The following CTNND2 variants were observed in gnomAD, a reference collection of about 807,000 sequenced individuals.
CTNND2 encodes the protein catenin delta-2.
In CTNND2, 22 loss-of-function variants were observed where a neutral mutation model predicts 144.4. That is an observed-to-expected ratio of 0.15 (90% CI 0.11 to 0.22). The LOEUF (loss-of-function observed/expected upper bound fraction) is 0.22. Ranked by LOEUF, CTNND2 falls within the 10% of genes least tolerant of loss-of-function variation. The probability of loss-of-function intolerance (pLI) is 1.00; values close to 1 mark genes in which losing one functional copy is unlikely to be tolerated. For missense variants in CTNND2, 1,353 were observed against 1,618.8 expected (o/e 0.84, Z 2.82); for synonymous variants, 751 against 695.6 (o/e 1.08, Z -1.25).
intron 3 of CTNND2, among the ~76,000 whole-genome samples, chr5:11,466,701 A>G (rs1766709053): frequency 1.3e-5 from 2 of 152,238 alleles, no homozygotes; most frequent in Non-Finnish European, 2.9e-5. Context: ...CTCATGAGAT[A>G]TTGACAAGAT....
intron 9 of CTNND2, among the ~76,000 whole-genome samples, chr5:11,323,769 T>C (rs1007412305): frequency 6.6e-6 from 1 of 152,054 alleles, no homozygotes; most frequent in Non-Finnish European, 1.5e-5. Context: ...ATCTACTAGG[T>C]GTAAATATGA....
chr5:11,342,664 G>C (rs1754392312), intron 9 of CTNND2, among the ~76,000 whole-genome samples: 1 of 152,114 alleles, frequency 6.6e-6, no homozygotes. Context: ...TCTTAACCAT[G>C]ACTTTTATTA....
intron 3 of CTNND2, among the ~76,000 whole-genome samples, chr5:11,504,794 C>T (rs541130421): frequency 1.3e-5 from 2 of 152,310 alleles, no homozygotes; most frequent in South Asian, 2.1e-4. Context: ...CAACACCTCT[C>T]TGTTATTCCT....
At chr5:11,603,306 T>C (rs114377782) in intron 2 of CTNND2, among the ~76,000 whole-genome samples, 1,755 of 152,308 alleles carry the variant, frequency 0.012, 28 homozygotes, top group African/African-American at 0.041. Context: ...GTTTCCAAAA[T>C]AGATCCCACA....
At chr5:11,351,134 T>C (rs1755294262) in intron 8 of CTNND2, among the ~76,000 whole-genome samples, 1 of 152,218 alleles carries the variant, frequency 6.6e-6, no homozygotes, top group African/African-American at 2.4e-5. Flanking sequence ...TTTCCTTTAA[T>C]ACATTTTTTT....
chr5:11,091,060 T>G (rs1750719915), intron 15 of CTNND2, among the ~76,000 whole-genome samples: 1 of 152,186 alleles, frequency 6.6e-6, no homozygotes. Flanking sequence ...TCATTAAATT[T>G]GGGAAATTTT....
At chr5:11,037,567 A>G (rs776839336) in intron 16 of CTNND2, among the ~76,000 whole-genome samples, 2 of 152,248 alleles carry the variant, frequency 1.3e-5, no homozygotes, top group Non-Finnish European at 2.9e-5. Context: ...TGGAGTGCCT[A>G]CTAATCCAAG....
chr5:11,437,543 GTGAAGAC>G (rs1485736571), intron 3 of CTNND2, among the ~76,000 whole-genome samples: 1 of 152,222 alleles, frequency 6.6e-6, no homozygotes, highest in African/African-American at 2.4e-5. Context: ...GAACTAAACT[GTGAAGAC>G]TGAGGGGAGT....
chr5:11,709,257 A>G (rs973938543), intron 2 of CTNND2, among the ~76,000 whole-genome samples: 1 of 152,202 alleles, frequency 6.6e-6, no homozygotes, highest in African/African-American at 2.4e-5. Flanking sequence ...TCACTCGGCT[A>G]ATGGGCAGTA....
At chr5:11,286,746 A>C (rs1271155121) in intron 9 of CTNND2, among the ~76,000 whole-genome samples, 1 of 152,230 alleles carries the variant, frequency 6.6e-6, no homozygotes, top group Non-Finnish European at 1.5e-5. Flanking sequence ...TGGGAGTATA[A>C]AATGGGCCCA....
chr5:11,605,137 C>A (rs1779982826), intron 2 of CTNND2, among the ~76,000 whole-genome samples: 1 of 152,138 alleles, frequency 6.6e-6, no homozygotes, highest in South Asian at 2.1e-4. Flanking sequence ...ACTACAAGTT[C>A]TTTGGGGTCA....
intron 3 of CTNND2, among the ~76,000 whole-genome samples, chr5:11,504,569 C>G (rs1277235135): frequency 6.6e-6 from 1 of 152,148 alleles, no homozygotes; most frequent in African/African-American, 2.4e-5. Flanking sequence ...CGAGGGCTTC[C>G]CACTCCTTCG....
intron 2 of CTNND2, among the ~76,000 whole-genome samples, chr5:11,698,327 C>A (rs1438633362): frequency 6.7e-6 from 1 of 148,620 alleles, no homozygotes; most frequent in Non-Finnish European, 1.5e-5. Flanking sequence ...CTCGCTCTGT[C>A]GCCCAGGCTG....
intron 2 of CTNND2, among the ~76,000 whole-genome samples, chr5:11,711,800 C>T (rs538573669): frequency 2.0e-5 from 3 of 152,270 alleles, no homozygotes; most frequent in African/African-American, 7.2e-5. Flanking sequence ...AGCCACACGG[C>T]CTTAAGTATG....
intron 1 of CTNND2, among the ~76,000 whole-genome samples, chr5:11,823,622 A>G (rs977984710): frequency 6.6e-6 from 1 of 152,164 alleles, no homozygotes; most frequent in Non-Finnish European, 1.5e-5. Context: ...ACTTTTTTAT[A>G]TAATATTTTA....
intron 2 of CTNND2, among the ~76,000 whole-genome samples, chr5:11,599,785 A>G (rs1320568153): frequency 6.6e-6 from 1 of 152,160 alleles, no homozygotes; most frequent in Non-Finnish European, 1.5e-5. Context: ...GAAGCTTGCT[A>G]TTCTGGTGAT....
intron 13 of CTNND2, among the ~76,000 whole-genome samples, chr5:11,112,680 A>C (rs1032454769): frequency 6.6e-6 from 1 of 152,358 alleles, no homozygotes; most frequent in Middle Eastern, 3.4e-3. Flanking sequence ...TATCATTAAC[A>C]GTGGCAGGAG....
At chr5:11,657,433 C>G (rs140378287) in intron 2 of CTNND2, among the ~76,000 whole-genome samples, 1 of 151,952 alleles carries the variant, frequency 6.6e-6, no homozygotes, top group Admixed American at 6.6e-5. Context: ...CTCTCTGTTT[C>G]CTTCCTTCTT....
chr5:11,224,996 T>C (rs1740180056), intron 10 of CTNND2, among the ~76,000 whole-genome samples: 1 of 152,170 alleles, frequency 6.6e-6, no homozygotes, highest in South Asian at 2.1e-4. Context: ...AAGTGTGATA[T>C]ATGAAATGGT....
Sources: allele counts gnomAD v4.1 joint callset (sites outside exome capture counted in the v4.1 genomes callset), GRCh38; gene constraint gnomAD v4.1.1; transcripts MANE v1.5; gene names NCBI Gene and HGNC (gene_info 2026-07-23, HGNC 2026-07-21).